The following TSC22D4 variants were observed in gnomAD, a reference collection of about 807,000 sequenced individuals.
TSC22D4 encodes the protein TSC22 domain family member 4, also known as TSC22 domain family protein 4.
Under a neutral mutation model 24.9 loss-of-function variants are expected in TSC22D4, and 5 were observed. The observed-to-expected ratio is 0.20, with a 90% CI of 0.10 to 0.42. TSC22D4 has a LOEUF of 0.42. TSC22D4 is among the 10% of genes least tolerant of loss of function. The pLI is 1.00. For synonymous variants in TSC22D4, 245 were observed against 243.2 expected (o/e 1.01, Z -0.07); for missense variants, 469 against 547.9 (o/e 0.86, Z 1.44).
chr7:100,478,043 C>T lies in TSC22D4; in HGVS notation c.-5G>A, dbSNP rs756784495. On this transcript the variant is annotated 5_prime_UTR_variant, in exon 2 of 5. Transcript: ENST00000300181. ...CTTCTTCTTGCCCCCGCTCATGGTC[C>T]CTGGGGCTCAGGGCTGGGCCAAGGT... is the stretch of plus-strand genomic sequence containing the variant. 1 of 1,590,266 alleles carries T rather than the reference C, an allele frequency of 6.3e-7. No homozygotes were observed.
At chr7:100,471,239 A>C (rs1235369768) in intron 3 of TSC22D4, among the ~76,000 whole-genome samples, 2 of 124,876 alleles carry the variant, frequency 1.6e-5, no homozygotes, top group South Asian at 2.6e-4. Context: ...GGGAGGGGGA[A>C]GGGGGGCTGG....
At position 100,477,731 on chromosome 7, in the gene TSC22D4, T is replaced by C; in HGVS notation, c.308A>G (p.His103Arg). 6.2e-7 allele frequency: 1 copy of C among 1,602,292 alleles called. No homozygotes were observed. The highest frequency in any genetic ancestry group is 1.1e-5 in the South Asian group (1 of 90,920). Reference protein sequence around the residue: ...VDVYERDLEPHSFGGLLEGIR... With the variant: ...VDVYERDLEPRSFGGLLEGIR... ...TCCCTCCAGGAGTCCGCCGAAGCTGTGGGGCTCCAGGTCTCGCTCATAAAC... is the reference window on the plus strand; with the variant it reads ...TCCCTCCAGGAGTCCGCCGAAGCTGCGGGGCTCCAGGTCTCGCTCATAAAC... The change falls in exon 2 of 5, where the codon CAC becomes CGC. Residue 103 changes from histidine (H) to arginine (R), a missense_variant. His to Arg is a conservative substitution (Grantham distance 29). Coordinates refer to ENST00000300181, the MANE Select transcript of TSC22D4 (RefSeq NM_030935.5). This position sits in a 1 kb window ranked among gnomAD's most constrained non-coding sequence, Gnocchi z 7.8.
At chr7:100,469,321 T>A (rs1411565016) in intron 3 of TSC22D4, among the ~76,000 whole-genome samples, 1 of 151,176 alleles carries the variant, frequency 6.6e-6, no homozygotes, top group Non-Finnish European at 1.5e-5. Flanking sequence ...GGAAGTGAGC[T>A]TGGAGAAGGG....
At chr7:100,471,385 A>T (rs996588001) in intron 3 of TSC22D4, among the ~76,000 whole-genome samples, 5 of 152,076 alleles carry the variant, frequency 3.3e-5, no homozygotes, top group African/African-American at 1.2e-4. Flanking sequence ...TTGGAGTTGG[A>T]CCCAGGCTCC....
At chr7:100,472,064 C>T (rs1002435006) in intron 3 of TSC22D4, among the ~76,000 whole-genome samples, 5 of 152,008 alleles carry the variant, frequency 3.3e-5, no homozygotes, top group African/African-American at 1.2e-4. Flanking sequence ...ATTCTAGATT[C>T]ACCTGCACCC....
intron 2 of TSC22D4, among the ~76,000 whole-genome samples, chr7:100,476,217 G>A (rs1490554973): frequency 7.0e-6 from 1 of 142,512 alleles, no homozygotes; most frequent in African/African-American, 2.6e-5. Flanking sequence ...CTGAATGCAA[G>A]AGTTCAAGAA....
At chr7:100,472,921 C>A (rs1799421170) in intron 3 of TSC22D4, among the ~76,000 whole-genome samples, 2 of 152,114 alleles carry the variant, frequency 1.3e-5, no homozygotes, top group African/African-American at 4.8e-5. Context: ...CTCACCCACT[C>A]TCGAAGCCCC....
rs777247706 is a variant in TSC22D4 at position 100,477,836 on chromosome 7, G to T, written c.203C>A (p.Pro68His). The stretch of plus-strand genomic sequence containing the variant: ...CTTCACCACCCGGAAACGGGAGGAA[G>T]GGGCCCCAGGTGGTGGGGAGCCATT... ...PRNGSPPPGA[P>H]SSRFRVVKLP... The change falls in exon 2 of 5, where the codon CCT (proline) becomes CAT (histidine). Residue 68 changes from proline (P) to histidine (H), a missense_variant. Coordinates refer to ENST00000300181, the MANE Select transcript of TSC22D4 (RefSeq NM_030935.5). This position sits in a 1 kb window ranked among gnomAD's most constrained non-coding sequence, Gnocchi z 7.8. 2.5e-6 allele frequency: 4 copies of T among 1,602,168 alleles called. No individual in the cohort carries two copies. The South Asian group carries it at 4.4e-5, about 18-fold the overall frequency.
chr7:100,472,339 A>G (rs1313602918), intron 3 of TSC22D4, among the ~76,000 whole-genome samples: 3 of 149,388 alleles, frequency 2.0e-5, no homozygotes, highest in African/African-American at 2.5e-5. Flanking sequence ...CAGATCCCCA[A>G]GAGCCTTGGA....
rs1344902105 is a variant in TSC22D4, at chr7:100,477,923, G to A, written c.116C>T (p.Pro39Leu). Reference protein sequence around the residue: ...DPPTPQPPTGPPPRLPNGEPS... With the variant: ...DPPTPQPPTGLPPRLPNGEPS... ...CTCCCCATTGGGCAGGCGGGGCGGG[G>A]GCCCGGTTGGGGGCTGTGGGGTAGG... The change falls in exon 2 of 5, where the codon CCC (proline) becomes CTC (leucine). Residue 39 changes from proline (P) to leucine (L), a missense_variant. By Grantham distance (98) the Pro-to-Leu change is moderately conservative. Transcript: ENST00000300181. The surrounding 1 kb of genome is among the most constrained non-coding windows in gnomAD (Gnocchi z 7.8). 7.1e-6 allele frequency: 11 copies of A among 1,553,284 alleles called. No homozygotes were observed. Among genetic ancestry groups the A allele is most frequent in the Non-Finnish European group, 9.6e-6 (11 of 1,149,062 alleles).
At chr7:100,478,344 AGAGAGAGTGTGTGTGTGT>A (rs750505648) in intron 1 of TSC22D4, 37 bp from the exon 2 acceptor site, 320 of 289,180 alleles carry the variant, frequency 1.1e-3, no homozygotes, top group Non-Finnish European at 1.5e-3. Flanking sequence ...AGAGAGAGAG[AGAGAGAGTGTGTGTGTGT>A]GTGTGTGTGT....
rs1799463690 is a variant in TSC22D4 at position 100,474,859 on chromosome 7, T to G, written c.763-419A>C. On this transcript the variant is annotated intron_variant, in intron 2 of 4. Transcript: ENST00000300181. This position sits in a 1 kb window ranked among gnomAD's most constrained non-coding sequence, Gnocchi z 4.3. ...CTCTGTCACCCAGGCTGGAGTGAAG[T>G]GGCACAATCATGGCTCACTGCAGCC... Among the ~76,000 whole-genome samples the G allele has an allele frequency of 6.6e-6, 1 of 152,080 alleles. No individual in the cohort carries two copies.
At position 100,467,031 on chromosome 7, in the gene TSC22D4, C is replaced by T; in HGVS notation, c.1116G>A (p.Glu372=). The change falls in exon 5 of 5, where the codon GAG becomes GAA. Residue 372 remains glutamate (E), a synonymous_variant. Coordinates refer to ENST00000300181, the MANE Select transcript of TSC22D4 (RefSeq NM_030935.5). ...NGLLRALASP[E]QLAQLPSSGV... is the part of the protein sequence containing the mutation. ...CCGAGGAGGGCAGCTGAGCCAGCTG[C>T]TCCGGGCTGGCCAGGGCGCGCAGCA... The T allele has an allele frequency of 6.2e-7, 1 of 1,612,640 alleles. No individual in the cohort carries two copies. Among genetic ancestry groups the T allele is most frequent in the Non-Finnish European group, 8.5e-7 (1 of 1,179,482 alleles).
rs755309302 is a variant in TSC22D4, at chr7:100,477,802, G to A, written c.237C>T (p.His79=). ...CGCGGCGATAAGGCTCTCCCAGGCCGTGGGGCAGCTTCACCACCCGGAAAC... is the reference window on the plus strand; with the variant it reads ...CGCGGCGATAAGGCTCTCCCAGGCCATGGGGCAGCTTCACCACCCGGAAAC... ...SSRFRVVKLP[H]GLGEPYRRGR... The change falls in exon 2 of 5, where the codon CAC becomes CAT. Residue 79 remains histidine (H), a synonymous_variant. Coordinates refer to ENST00000300181, the MANE Select transcript of TSC22D4 (RefSeq NM_030935.5). This position sits in a 1 kb window ranked among gnomAD's most constrained non-coding sequence, Gnocchi z 7.8. The A allele has an allele frequency of 1.1e-5, 18 of 1,607,314 alleles. No individual in the cohort carries two copies. Among genetic ancestry groups the A allele is most frequent in the Admixed American group, 1.7e-5 (1 of 59,894 alleles).
In TSC22D4 at chr7:100,477,171, T is replaced by A; in HGVS notation, c.762+106A>T. The A allele has an allele frequency of 2.0e-6, 2 of 1,017,486 alleles. No individual in the cohort carries two copies. Among genetic ancestry groups the A allele is most frequent in the African/African-American group, 1.7e-5 (1 of 58,406 alleles). 63.0% of individuals were successfully genotyped at this position (1,017,486 alleles called of 1,614,324 possible). Reference sequence around the variant, plus strand: ...CAGAGAAGAGGGCTATCTGATCTTATAAAGTGATGGAGAAGGAGGAGGAGA... The same window carrying A: ...CAGAGAAGAGGGCTATCTGATCTTAAAAAGTGATGGAGAAGGAGGAGGAGA... On this transcript the variant is annotated intron_variant, in intron 2 of 4. Coordinates refer to ENST00000300181, the MANE Select transcript of TSC22D4 (RefSeq NM_030935.5). The surrounding 1 kb of genome is among the most constrained non-coding windows in gnomAD (Gnocchi z 7.8).
chr7:100,470,474 C>T (rs776007379), intron 3 of TSC22D4, among the ~76,000 whole-genome samples: 103 of 152,042 alleles, frequency 6.8e-4, no homozygotes, highest in Non-Finnish European at 2.6e-4. Flanking sequence ...GTATTTTTGC[C>T]GGGGAGCCTC....
At chr7:100,472,650 T>G (rs926345518) in intron 3 of TSC22D4, among the ~76,000 whole-genome samples, 5 of 151,988 alleles carry the variant, frequency 3.3e-5, no homozygotes, top group African/African-American at 1.2e-4. Flanking sequence ...ACCTCACACC[T>G]CGCACATTCC....
In TSC22D4 at chr7:100,466,745, G is replaced by C. The variant is rs1799284395; in HGVS notation, c.*214C>G. 5.1e-6 allele frequency: 3 copies of C among 586,116 alleles called. No individual in the cohort carries two copies. In the South Asian group the frequency reaches 7.4e-5, roughly 14 times the overall value. The allele number at this position is 586,116 out of a possible 1,614,324, so 36.3% of individuals were successfully genotyped here. On this transcript the variant is annotated 3_prime_UTR_variant, in exon 5 of 5. Transcript: ENST00000300181. Reference sequence around the variant, plus strand: ...GTGGGGGTTGGTTCCCTCCCAGAGGGGGCTCCCTCTGACGCCCCGTCCTGA... The same window carrying C: ...GTGGGGGTTGGTTCCCTCCCAGAGGCGGCTCCCTCTGACGCCCCGTCCTGA...
rs1228276528 is a variant in TSC22D4 at position 100,478,350 on chromosome 7, A to AGAGTGTGT, written c.-269-44_-269-43insACACACTC. ...GAGAGAGAGAGAGAGAGAGAGAGAG[A>AGAGTGTGT]GTGTGTGTGTGTGTGTGTGTGTGTG... is the stretch of plus-strand genomic sequence containing the variant. On this transcript the variant is annotated intron_variant, in intron 1 of 4. Coordinates refer to ENST00000300181, the MANE Select transcript of TSC22D4 (RefSeq NM_030935.5). The AGAGTGTGT allele has an allele frequency of 8.7e-3, 729 of 83,776 alleles. 18 individuals carry two copies. The highest frequency in any genetic ancestry group is 0.011 in the Admixed American group (55 of 4,872). The allele number at this position is 83,776 out of a possible 1,614,324, so 5.2% of individuals were successfully genotyped here. A position where few individuals can be genotyped will look rare whatever the true frequency, so the allele number is the denominator to read the frequency against.
Sources: gnomAD v4.1 joint callset for allele counts (sites outside exome capture counted in the v4.1 genomes callset) on GRCh38, gnomAD v4.1.1 for gene constraint, Gnocchi (gnomAD v3.1) non-coding constraint, MANE v1.5 for transcripts, NCBI Gene and HGNC (gene_info 2026-07-23, HGNC 2026-07-21) for gene names.